Variants in SPHKAP observed in about 807,000 individuals in gnomAD.
The protein encoded by SPHKAP is SPHK1 interactor, AKAP domain containing, also known as A-kinase anchor protein SPHKAP.
Under a neutral mutation model 137.5 loss-of-function variants are expected in SPHKAP, and 67 were observed. The ratio of observed to expected loss-of-function variants is 0.49; its 90% confidence interval spans 0.40 to 0.60. The LOEUF (loss-of-function observed/expected upper bound fraction) is 0.60. Among genes scored for constraint, SPHKAP ranks in the 20% least tolerant of loss-of-function variants. The pLI, the probability that SPHKAP is intolerant of heterozygous loss-of-function variation, is 0.00. For missense variants in SPHKAP, 2,097 were observed against 2,069.3 expected (o/e 1.01, Z -0.26); for synonymous variants, 813 against 785.3 (o/e 1.04, Z -0.59).
At chr2:228,104,795 A>G (rs1055376758) in intron 3 of SPHKAP, among the ~76,000 whole-genome samples, 4 of 152,194 alleles carry the variant, frequency 2.6e-5, no homozygotes, top group African/African-American at 7.2e-5. Flanking sequence ...TCAAATAACC[A>G]ATACGAAAAC....
chr2:228,037,525 C>G (rs1475060222), intron 3 of SPHKAP, among the ~76,000 whole-genome samples: 3 of 152,110 alleles, frequency 2.0e-5, no homozygotes, highest in African/African-American at 7.2e-5. Context: ...GAAGTCATTC[C>G]TATATGTGGA....
At chr2:228,072,367 T>A (rs1030536345) in intron 3 of SPHKAP, among the ~76,000 whole-genome samples, 3 of 152,216 alleles carry the variant, frequency 2.0e-5, no homozygotes, top group African/African-American at 7.2e-5. Flanking sequence ...ACTTTTTTTT[T>A]AATACGAAAA....
intron 7 of SPHKAP, among the ~76,000 whole-genome samples, chr2:228,001,353 A>C (rs1693865283): frequency 1.4e-5 from 2 of 143,788 alleles, no homozygotes; most frequent in Non-Finnish European, 1.5e-5. Flanking sequence ...ATATACACAT[A>C]TATAAATATA....
chr2:228,135,641 T>G (rs1412596141), intron 1 of SPHKAP, among the ~76,000 whole-genome samples: 1 of 151,606 alleles, frequency 6.6e-6, no homozygotes, highest in Non-Finnish European at 1.5e-5. Flanking sequence ...AATTAGAAAG[T>G]TTTTTTTTGC....
In SPHKAP at chr2:227,993,616, C is replaced by T; in HGVS notation, c.4639G>A (p.Gly1547Ser). The T allele has an allele frequency of 1.9e-6, 3 of 1,589,710 alleles. No homozygotes were observed. The highest frequency in any genetic ancestry group is 2.6e-6 in the Non-Finnish European group (3 of 1,167,354). The part of the protein sequence containing the change: ...LQLSERSMSN[G>S]NSSATSSLGI... ...AGACTGCTAGTGGCACTACTGTTGC[C>T]ATTGCTGACAAAGCAAAAGTTTACA... The change falls in exon 9 of 12, where the codon GGC becomes AGC. Residue 1547 changes from glycine (G) to serine (S), a missense_variant. Transcript: ENST00000392056.
At chr2:227,995,928 A>G (rs1693625829) in intron 7 of SPHKAP, 4 of 982,988 alleles carry the variant, frequency 4.1e-6, no homozygotes, top group Non-Finnish European at 4.8e-6. Flanking sequence ...GACTCCCTCC[A>G]ATCATTTGAA....
At chr2:228,150,622 A>AC (rs34877892) in intron 1 of SPHKAP, among the ~76,000 whole-genome samples, 16,548 of 151,314 alleles carry the variant, frequency 0.11, 1,131 homozygotes, top group East Asian at 0.18. Flanking sequence ...AATGATGTTT[A>AC]CTTTTTTTTT....
intron 3 of SPHKAP, among the ~76,000 whole-genome samples, chr2:228,035,568 C>G (rs551085264): frequency 6.6e-6 from 1 of 152,086 alleles, no homozygotes; most frequent in African/African-American, 2.4e-5. Context: ...GAGCCTGTAT[C>G]GCCAAGTCAA....
At chr2:228,012,702 A>C (rs565000076) in intron 7 of SPHKAP, among the ~76,000 whole-genome samples, 23 of 152,336 alleles carry the variant, frequency 1.5e-4, no homozygotes, top group African/African-American at 5.5e-4. Context: ...CAGAATAAGC[A>C]CTCAAATATT....
intron 1 of SPHKAP, among the ~76,000 whole-genome samples, chr2:228,159,270 A>T (rs181932235): frequency 3.7e-4 from 56 of 152,340 alleles, no homozygotes; most frequent in Non-Finnish European, 6.5e-4. Context: ...TTAAATAGGA[A>T]ATGGAACTCA....
intron 3 of SPHKAP, among the ~76,000 whole-genome samples, chr2:228,091,505 C>T (rs1301110629): frequency 6.6e-6 from 1 of 152,286 alleles, no homozygotes; most frequent in Admixed American, 6.5e-5. Flanking sequence ...AGAAAATCTT[C>T]ACAATCTATA....
chr2:228,118,161 C>A (rs1029458002), intron 2 of SPHKAP, among the ~76,000 whole-genome samples: 2 of 149,818 alleles, frequency 1.3e-5, no homozygotes. Flanking sequence ...GTTTGAGATT[C>A]GTCTATATTA....
intron 3 of SPHKAP, among the ~76,000 whole-genome samples, chr2:228,072,685 C>T (rs78864928): frequency 5.3e-5 from 8 of 152,306 alleles, no homozygotes; most frequent in African/African-American, 1.9e-4. Flanking sequence ...CTTGAGAATC[C>T]TGAGCCACCA....
chr2:228,146,739 T>C lies in SPHKAP; in HGVS notation c.33-14654A>G, dbSNP rs1699787939. Among the ~76,000 whole-genome samples the C allele has an allele frequency of 2.0e-5, 3 of 152,238 alleles. No homozygotes were observed. In the South Asian group the frequency reaches 6.2e-4, roughly 31 times the overall value. On this transcript the variant is annotated intron_variant, in intron 1 of 11. Transcript: ENST00000392056. ...TCCCGCAAAAGACACGACCTTGTTC[T>C]TTGTTAACGACTGCATAATATTCCA...
intron 1 of SPHKAP, among the ~76,000 whole-genome samples, chr2:228,146,478 C>T (rs1162957928): frequency 6.6e-6 from 1 of 152,122 alleles, no homozygotes; most frequent in Non-Finnish European, 1.5e-5. Context: ...CATAGGTAAA[C>T]TCGTGTCACG....
At chr2:228,092,509 TA>T (rs1263777441) in intron 3 of SPHKAP, among the ~76,000 whole-genome samples, 1 of 91,944 alleles carries the variant, frequency 1.1e-5, no homozygotes, top group Non-Finnish European at 2.2e-5. Flanking sequence ...TATGTATACA[TA>T]TATGTGCCAT....
intron 3 of SPHKAP, among the ~76,000 whole-genome samples, chr2:228,058,823 AGCTCAC>A (rs1696538392): frequency 6.6e-6 from 1 of 152,214 alleles, no homozygotes; most frequent in East Asian, 1.9e-4. Context: ...CATGTAGCAT[AGCTCAC>A]CTTTTTGGGC....
Position 228,019,313 on chromosome 2 carries a change from T to A in SPHKAP, c.1541A>T (p.Gln514Leu). 6.2e-7 allele frequency: 1 copy of A among 1,614,182 alleles called. No individual in the cohort carries two copies. Among genetic ancestry groups the A allele is most frequent in the Non-Finnish European group, 8.5e-7 (1 of 1,180,034 alleles). ...CTCCATTTTGAGTCTTTCTGTGGCC[T>A]GTGGACTGGAAATAGTTCCAATCAC... ...ATVIGTISSP[Q>L]ATERLKMEQV... Residue 514 changes from glutamine to leucine, a missense_variant, in exon 7 of 12, where the codon CAG becomes CTG. Coordinates refer to ENST00000392056, the MANE Select transcript of SPHKAP (RefSeq NM_001142644.2).
intron 3 of SPHKAP, among the ~76,000 whole-genome samples, chr2:228,072,776 T>C (rs1697044776): frequency 1.3e-5 from 2 of 152,182 alleles, no homozygotes; most frequent in Non-Finnish European, 2.9e-5. Context: ...GAGAGATGCC[T>C]AGGGATGCCC....
Sources: gnomAD v4.1 joint callset for allele counts (sites outside exome capture counted in the v4.1 genomes callset) on GRCh38, gnomAD v4.1.1 for gene constraint, MANE v1.5 for transcripts, NCBI Gene and HGNC (gene_info 2026-07-23, HGNC 2026-07-21) for gene names.